The following BAZ1B variants were observed in gnomAD, a reference collection of about 807,000 sequenced individuals.
BAZ1B encodes the protein bromodomain adjacent to zinc finger domain 1B.
Under a neutral mutation model 153.8 loss-of-function variants are expected in BAZ1B, and 22 were observed. The observed-to-expected ratio is 0.14, with a 90% confidence interval of 0.10 to 0.20. The LOEUF (loss-of-function observed/expected upper bound fraction) is 0.20, where lower values mean the gene tolerates loss of function less well. BAZ1B is among the 10% of genes least tolerant of loss of function. The pLI, the probability that BAZ1B is intolerant of heterozygous loss-of-function variation, is 1.00. For synonymous variants in BAZ1B, 676 were observed against 633.4 expected, an observed-to-expected ratio of 1.07 and a Z score of -1.01; for missense variants, 1,325 against 1,799.3, an observed-to-expected ratio of 0.74 and a Z score of 4.77.
intron 19 of BAZ1B, 171 bp from the exon 20 acceptor site, chr7:73,441,864 CTG>C (rs1787629933): frequency 2.8e-6 from 1 of 361,844 alleles, no homozygotes; most frequent in East Asian, 4.8e-5. Flanking sequence ...GGGCTTGGCA[CTG>C]TGGTGGAAGC....
chr7:73,504,710 C>A (rs1790265576), intron 3 of BAZ1B, among the ~76,000 whole-genome samples: 1 of 152,096 alleles, frequency 6.6e-6, no homozygotes, highest in East Asian at 1.9e-4. Flanking sequence ...TGTCTACAGT[C>A]CCAGCTACTC....
chr7:73,478,098 G>T lies in BAZ1B; in HGVS notation c.1363C>A (p.Arg455=). The T allele has an allele frequency of 6.8e-6, 11 of 1,614,198 alleles. No homozygotes were observed. The highest frequency in any genetic ancestry group is 9.3e-6 in the Non-Finnish European group (11 of 1,180,036). The change falls in exon 7 of 20, where the codon CGG becomes AGG. Residue 455 remains arginine, a synonymous_variant. Transcript: ENST00000339594. Reference sequence around the variant, plus strand: ...GTCCTAGGTGTACCCCCAGAATTCCGTGGGGCTCGTGTCATCTTCTGCGTG... The same window carrying T: ...GTCCTAGGTGTACCCCCAGAATTCCTTGGGGCTCGTGTCATCTTCTGCGTG... The part of the protein sequence containing the change: ...KGTQKMTRAP[R]NSGGTPRTSS...
At chr7:73,481,442 G>A (rs1249325630) in intron 6 of BAZ1B, among the ~76,000 whole-genome samples, 1 of 151,056 alleles carries the variant, frequency 6.6e-6, no homozygotes, top group Non-Finnish European at 1.5e-5. Flanking sequence ...GCCTGAACCT[G>A]GGAGGTGGAG....
chr7:73,463,025 T>A lies in BAZ1B; in HGVS notation c.3146A>T (p.Gln1049Leu). The change falls in exon 12 of 20, where the codon CAG (glutamine) becomes CTG (leucine). Residue 1049 changes from glutamine (Q) to leucine (L), a missense_variant. Coordinates refer to ENST00000339594, the MANE Select transcript of BAZ1B (RefSeq NM_032408.4). ...NLGLKSCDGN[Q>L]ELLNFLRSDL... ...ACTACGAAGGAAGTTTAAAAGCTCCTGGTTGCCATCACAAGATTTTAGACC... is the reference window on the plus strand; with the variant it reads ...ACTACGAAGGAAGTTTAAAAGCTCCAGGTTGCCATCACAAGATTTTAGACC... 1 of 1,614,096 alleles carries A rather than the reference T, an allele frequency of 6.2e-7. No homozygotes were observed. Among genetic ancestry groups the A allele is most frequent in the African/African-American group, 1.3e-5 (1 of 75,054 alleles).
chr7:73,476,493 G>C (rs2116334692), intron 7 of BAZ1B, among the ~76,000 whole-genome samples: 1 of 152,234 alleles, frequency 6.6e-6, no homozygotes, highest in South Asian at 2.1e-4. Context: ...GGAAAGTGAG[G>C]CACGGATAAG....
chr7:73,457,212 C>T (rs1375180538), intron 13 of BAZ1B, among the ~76,000 whole-genome samples: 1 of 152,032 alleles, frequency 6.6e-6, no homozygotes, highest in Non-Finnish European at 1.5e-5. Flanking sequence ...GAGTTTTGCT[C>T]TGTTGCCCAG....
chr7:73,485,530 G>A (rs528072090), intron 6 of BAZ1B, among the ~76,000 whole-genome samples: 2 of 151,900 alleles, frequency 1.3e-5, no homozygotes, highest in East Asian at 3.9e-4. Context: ...GAAGCATGAG[G>A]TGGGAGGACT....
At chr7:73,480,506 C>G (rs1371191250) in intron 6 of BAZ1B, among the ~76,000 whole-genome samples, 1 of 152,104 alleles carries the variant, frequency 6.6e-6, no homozygotes, top group African/African-American at 2.4e-5. Context: ...ATAACCAAGT[C>G]AAGTAATCCA....
chr7:73,452,027 A>T (rs1405440614), intron 13 of BAZ1B, among the ~76,000 whole-genome samples: 1 of 152,246 alleles, frequency 6.6e-6, no homozygotes, highest in Non-Finnish European at 1.5e-5. Flanking sequence ...GAAAACAGTC[A>T]TGGGCAGTCC....
At chr7:73,482,029 ACT>A (rs1156704180) in intron 6 of BAZ1B, among the ~76,000 whole-genome samples, 2 of 152,160 alleles carry the variant, frequency 1.3e-5, no homozygotes, top group Non-Finnish European at 2.9e-5. Context: ...AAAGAGCGAG[ACT>A]CTGTCTCAAA....
chr7:73,479,476 C>A (rs1554573389), intron 6 of BAZ1B, among the ~76,000 whole-genome samples: 2 of 149,318 alleles, frequency 1.3e-5, no homozygotes, highest in African/African-American at 5.0e-5. Context: ...CCACTGCACT[C>A]CAGCCTGGAG....
Position 73,449,557 on chromosome 7 carries a change from C to T in BAZ1B, c.3713G>A (p.Arg1238His), listed in dbSNP as rs372634828. 9.3e-6 allele frequency: 15 copies of T among 1,612,082 alleles called. No individual in the cohort carries two copies. The highest frequency in any genetic ancestry group is 3.3e-5 in the South Asian group (3 of 90,644). Residue 1238 changes from arginine (R) to histidine (H), a missense_variant, in exon 15 of 20, where the codon CGC becomes CAC. This residue lies in a region of BAZ1B where 271 missense variants were observed against 337.2 expected (regional missense o/e 0.80). Coordinates refer to ENST00000339594, the MANE Select transcript of BAZ1B (RefSeq NM_032408.4). ...AGATTCTCACCTGCCACGGGAGTTG[C>T]GCCTGGCAGTAGCGGGCTGGCAAGC... ...CPACQPATAR[R>H]NSRGRNYTEE...
intron 12 of BAZ1B, 22 bp from the exon 13 acceptor site, chr7:73,459,740 C>A (rs1788328852): frequency 6.4e-7 from 1 of 1,563,770 alleles, no homozygotes; most frequent in East Asian, 2.3e-5. Context: ...GATTTTAAAA[C>A]CAGACTGAGA....
At chr7:73,512,548 G>T (rs950790614) in intron 1 of BAZ1B, among the ~76,000 whole-genome samples, 3 of 152,140 alleles carry the variant, frequency 2.0e-5, no homozygotes, top group African/African-American at 7.2e-5. Flanking sequence ...TCGTGAGGGA[G>T]ACGAGGGAAA....
chr7:73,493,250 C>T (rs1554575811), intron 4 of BAZ1B, among the ~76,000 whole-genome samples: 3 of 152,116 alleles, frequency 2.0e-5, no homozygotes, highest in East Asian at 3.9e-4. Flanking sequence ...CACCTGAGGT[C>T]GGGAGTTCGA....
intron 12 of BAZ1B, among the ~76,000 whole-genome samples, chr7:73,461,242 C>T (rs1788386564): frequency 6.6e-6 from 1 of 152,122 alleles, no homozygotes; most frequent in African/African-American, 2.4e-5. Context: ...TCCTAAAGTG[C>T]TGGGATTACA....
At position 73,447,382 on chromosome 7, in the gene BAZ1B, G is replaced by A. The variant is rs1787878106; in HGVS notation, c.3729-3C>T. ...AAGCAGACTCTTCAGTATAGTTCCT[G>A]TGGGTAGAAAAAATAATGTAGGGAA... On this transcript the variant is annotated splice_polypyrimidine_tract_variant and splice_region_variant and intron_variant, in intron 15 of 19. Transcript: ENST00000339594. 2 of 1,608,088 alleles carry A rather than the reference G, an allele frequency of 1.2e-6. No homozygotes were observed. Among genetic ancestry groups the A allele is most frequent in the East Asian group, 2.2e-5 (1 of 44,820 alleles).
At chr7:73,444,860 C>T (rs922969891) in intron 16 of BAZ1B, among the ~76,000 whole-genome samples, 1 of 152,034 alleles carries the variant, frequency 6.6e-6, no homozygotes, top group Non-Finnish European at 1.5e-5. Context: ...ACTAAAAATA[C>T]AAAATTAGCA....
At chr7:73,479,894 G>C (rs569014031) in intron 6 of BAZ1B, among the ~76,000 whole-genome samples, 11 of 152,146 alleles carry the variant, frequency 7.2e-5, no homozygotes, top group Non-Finnish European at 1.5e-4. Flanking sequence ...TCTCAGCTGG[G>C]TGTGGAGGCT....
Sources: allele counts gnomAD v4.1 joint callset (sites outside exome capture counted in the v4.1 genomes callset), GRCh38; gene constraint gnomAD v4.1.1; regional missense constraint gnomAD v4.1.1; transcripts MANE v1.5; gene names NCBI Gene and HGNC (gene_info 2026-07-23, HGNC 2026-07-21).